Variants in PHF20 observed in about 807,000 individuals in gnomAD.
PHF20 encodes PHD finger protein 20.
Under a neutral mutation model 113.5 loss-of-function variants are expected in PHF20, and 23 were observed. That is an observed-to-expected ratio of 0.20 (90% CI 0.15 to 0.29). The LOEUF (loss-of-function observed/expected upper bound fraction) is 0.29, where lower values mean the gene tolerates loss of function less well. PHF20 is among the 10% of genes least tolerant of loss of function. PHF20 has a pLI of 1.00. For missense variants in PHF20, 943 were observed against 1,219.6 expected (o/e 0.77, Z 3.38); for synonymous variants, 434 against 457.3 (o/e 0.95, Z 0.65).
At chr20:35,889,558 T>C (rs1416439719) in intron 9 of PHF20, among the ~76,000 whole-genome samples, 1 of 151,766 alleles carries the variant, frequency 6.6e-6, no homozygotes, top group Non-Finnish European at 1.5e-5. Flanking sequence ...AGATAGAGTT[T>C]CACCATGTTG....
intron 9 of PHF20, among the ~76,000 whole-genome samples, chr20:35,883,788 G>C (rs1232417447): frequency 6.6e-6 from 1 of 152,134 alleles, no homozygotes; most frequent in African/African-American, 2.4e-5. Context: ...AATTCCATCT[G>C]ATAAGATGCT....
chr20:35,783,940 G>A (rs1460933118), intron 1 of PHF20, among the ~76,000 whole-genome samples: 4 of 151,938 alleles, frequency 2.6e-5, no homozygotes, highest in Non-Finnish European at 4.4e-5. Flanking sequence ...AGCCGAGATC[G>A]TGCCATTGCA....
intron 12 of PHF20, among the ~76,000 whole-genome samples, chr20:35,914,551 C>T (rs549365826): frequency 1.1e-4 from 17 of 152,112 alleles, no homozygotes; most frequent in South Asian, 8.3e-4. Flanking sequence ...GCAAACTAAA[C>T]GATTAATAGA....
At chr20:35,850,746 G>GT in intron 4 of PHF20, 1 of 575,606 alleles carries the variant, frequency 1.7e-6, no homozygotes, top group Non-Finnish European at 3.2e-6. Context: ...AATTTGTGTT[G>GT]TTATATATGT....
chr20:35,882,291 T>G (rs1466894666), intron 9 of PHF20, among the ~76,000 whole-genome samples: 1 of 152,224 alleles, frequency 6.6e-6, no homozygotes, highest in African/African-American at 2.4e-5. Context: ...GGTGGTTACA[T>G]GGTATATGTA....
At chr20:35,844,545 A>G (rs531706383) in intron 3 of PHF20, among the ~76,000 whole-genome samples, 97 of 18,488 alleles carry the variant, frequency 5.2e-3, no homozygotes, top group African/African-American at 0.01. Context: ...CACCATCACC[A>G]CACACACACA....
intron 2 of PHF20, among the ~76,000 whole-genome samples, chr20:35,829,360 C>CT (rs879462581): frequency 8.3e-4 from 126 of 152,058 alleles, no homozygotes; most frequent in Non-Finnish European, 1.6e-3. Flanking sequence ...TTTCTTTTTT[C>CT]TTTTTTTCTT....
At chr20:35,819,906 C>G (rs2042138566) in intron 2 of PHF20, among the ~76,000 whole-genome samples, 1 of 152,112 alleles carries the variant, frequency 6.6e-6, no homozygotes, top group African/African-American at 2.4e-5. Flanking sequence ...TTACTCTGTG[C>G]CAGGCACAAA....
At chr20:35,871,431 T>G (rs1299023813) in intron 8 of PHF20, among the ~76,000 whole-genome samples, 1 of 152,174 alleles carries the variant, frequency 6.6e-6, no homozygotes, top group Non-Finnish European at 1.5e-5. Flanking sequence ...CGTGCCTTTG[T>G]GTTTATACTT....
chr20:35,881,048 C>CGTTTTTTTTT (rs2054620632), intron 9 of PHF20, among the ~76,000 whole-genome samples: 1 of 109,756 alleles, frequency 9.1e-6, no homozygotes, highest in Non-Finnish European at 1.8e-5. Context: ...CTCTAAATAC[C>CGTTTTTTTTT]TTTTTTTTTT....
chr20:35,876,514 T>C (rs2054524713), intron 9 of PHF20, among the ~76,000 whole-genome samples: 1 of 151,960 alleles, frequency 6.6e-6, no homozygotes, highest in Non-Finnish European at 1.5e-5. Context: ...GAGGTTGCAG[T>C]GAGCCGAGAT....
chr20:35,778,650 G>A (rs1406008318), intron 1 of PHF20, among the ~76,000 whole-genome samples: 4 of 151,996 alleles, frequency 2.6e-5, no homozygotes, highest in African/African-American at 9.7e-5. Context: ...CTACTAGGGA[G>A]GCTGAGGCAG....
At chr20:35,882,104 T>G (rs193099263) in intron 9 of PHF20, among the ~76,000 whole-genome samples, 22 of 152,360 alleles carry the variant, frequency 1.4e-4, no homozygotes, top group African/African-American at 4.6e-4. Flanking sequence ...ATGTGTTCAT[T>G]GCTTATTTTT....
At position 35,913,308 on chromosome 20, in the gene PHF20, C is replaced by A; in HGVS notation, c.1621C>A (p.Pro541Thr). 1 of 1,600,906 alleles carries A rather than the reference C, an allele frequency of 6.2e-7. No individual in the cohort carries two copies. Among genetic ancestry groups the A allele is most frequent in the Non-Finnish European group, 8.5e-7 (1 of 1,174,526 alleles). The change falls in exon 11 of 18, where the codon CCA becomes ACA. Residue 541 changes from proline to threonine, a missense_variant. Coordinates refer to ENST00000374012, the MANE Select transcript of PHF20 (RefSeq NM_016436.5). ...ATTCAAGGAGTTTGTGAGAGTGAAG[C>A]CAAAGAAGAAAAAGAAAAAGAAAAA... ...KKFKEFVRVK[P>T]KKKKKKKKKT...
At position 35,863,018 on chromosome 20, in the gene PHF20, T is replaced by G; in HGVS notation, c.426T>G (p.Ile142Met). The G allele has an allele frequency of 6.4e-7, 1 of 1,565,166 alleles. No individual in the cohort carries two copies. The highest frequency in any genetic ancestry group is 8.6e-7 in the Non-Finnish European group (1 of 1,162,316). Residue 142 changes from isoleucine (I) to methionine (M), a missense_variant, in exon 6 of 18, where the codon ATT becomes ATG. Physicochemically the swap from Ile to Met is conservative, Grantham distance 10. Transcript: ENST00000374012. The stretch of plus-strand genomic sequence containing the variant: ...CGCTATTTTGCTCATTTTAGAATAT[T>G]GTGGGTAATGCTAGGCCTAAAGAAA... ...HVKAFSKDQN[I>M]VGNARPKETD...
chr20:35,786,591 A>G (rs564030482), intron 1 of PHF20, among the ~76,000 whole-genome samples: 1 of 152,140 alleles, frequency 6.6e-6, no homozygotes, highest in Admixed American at 6.6e-5. Context: ...AGTTTCAACT[A>G]CTTGGGAGGC....
At chr20:35,942,973 G>A (rs535303645) in intron 17 of PHF20, among the ~76,000 whole-genome samples, 2 of 152,076 alleles carry the variant, frequency 1.3e-5, no homozygotes, top group East Asian at 1.9e-4. Flanking sequence ...ACAGGTGCCC[G>A]CCACCAGGCC....
intron 2 of PHF20, among the ~76,000 whole-genome samples, chr20:35,819,943 C>T (rs1467201319): frequency 2.0e-5 from 3 of 152,122 alleles, no homozygotes; most frequent in Admixed American, 6.6e-5. Flanking sequence ...GTTATACCTC[C>T]TTTAATCCTT....
intron 1 of PHF20, among the ~76,000 whole-genome samples, chr20:35,784,166 G>A (rs2041360869): frequency 6.6e-6 from 1 of 150,724 alleles, no homozygotes; most frequent in South Asian, 2.1e-4. Context: ...CGATTCTCCT[G>A]CCTTAACCTC....
Sources: allele counts gnomAD v4.1 joint callset (sites outside exome capture counted in the v4.1 genomes callset), GRCh38; gene constraint gnomAD v4.1.1; transcripts MANE v1.5; gene names NCBI Gene and HGNC (gene_info 2026-07-23, HGNC 2026-07-21).